The following ADGRL3 variants were observed in gnomAD, a reference collection of about 807,000 sequenced individuals.
The protein encoded by ADGRL3 is calcium-independent alpha-latrotoxin receptor 3.
Under a neutral mutation model 153.5 loss-of-function variants are expected in ADGRL3, and 62 were observed. The observed-to-expected ratio is 0.40, with a 90% CI of 0.33 to 0.50. ADGRL3 has a LOEUF of 0.50. Ranked by LOEUF, ADGRL3 falls within the 20% of genes least tolerant of loss-of-function variation. The pLI, the probability that ADGRL3 is intolerant of heterozygous loss-of-function variation, is 0.47. For synonymous variants in ADGRL3, 710 were observed against 672.5 expected (o/e 1.06, Z -0.86); for missense variants, 1,641 against 1,859.4 (o/e 0.88, Z 2.16).
intron 11 of ADGRL3, among the ~76,000 whole-genome samples, chr4:61,902,007 T>C (rs928821032): frequency 5.9e-5 from 9 of 152,214 alleles, no homozygotes; most frequent in Admixed American, 1.3e-4. Context: ...GCCCTGCCTA[T>C]GTGCACAGAA....
chr4:61,524,170 C>T (rs1188474699), intron 4 of ADGRL3, among the ~76,000 whole-genome samples: 2 of 152,000 alleles, frequency 1.3e-5, no homozygotes, highest in African/African-American at 4.8e-5. Context: ...TAATAAAGAT[C>T]TGAAGTGTAT....
At chr4:61,594,476 C>A (rs1355083945) in intron 5 of ADGRL3, among the ~76,000 whole-genome samples, 1 of 152,122 alleles carries the variant, frequency 6.6e-6, no homozygotes, top group African/African-American at 2.4e-5. Context: ...TTTGGAGGGA[C>A]TTGGGCCCCA....
At chr4:61,916,209 A>G (rs912543832) in intron 13 of ADGRL3, among the ~76,000 whole-genome samples, 7 of 152,164 alleles carry the variant, frequency 4.6e-5, no homozygotes, top group Admixed American at 2.6e-4. Context: ...AAAAGCCATT[A>G]TGTTTGCATC....
intron 1 of ADGRL3, among the ~76,000 whole-genome samples, chr4:61,370,622 C>A (rs1162422167): frequency 6.6e-5 from 10 of 151,808 alleles, no homozygotes; most frequent in Admixed American, 5.9e-4. Flanking sequence ...TGTTCTTTTA[C>A]ATTTGCTGAG....
chr4:61,413,854 C>T (rs1296237954), intron 2 of ADGRL3, among the ~76,000 whole-genome samples: 1 of 152,214 alleles, frequency 6.6e-6, no homozygotes, highest in African/African-American at 2.4e-5. Context: ...TGAGGCATGT[C>T]TGCCTTATTT....
At chr4:61,402,930 G>A (rs915690545) in intron 2 of ADGRL3, among the ~76,000 whole-genome samples, 13 of 151,956 alleles carry the variant, frequency 8.6e-5, no homozygotes, top group Non-Finnish European at 1.8e-4. Flanking sequence ...AAAAACGGTA[G>A]TTTATTTTCC....
At chr4:61,546,889 T>C (rs2098716198) in intron 4 of ADGRL3, among the ~76,000 whole-genome samples, 1 of 152,148 alleles carries the variant, frequency 6.6e-6, no homozygotes, top group South Asian at 2.1e-4. Context: ...TTCCACCATA[T>C]GTCTTTTTTG....
intron 2 of ADGRL3, chr4:61,427,208 G>A (rs1205805021): frequency 2.0e-5 from 3 of 152,402 alleles, no homozygotes; most frequent in African/African-American, 7.2e-5. Flanking sequence ...AACAAAACTT[G>A]CCACATACCC....
intron 1 of ADGRL3, among the ~76,000 whole-genome samples, chr4:61,260,403 C>CTA (rs1490626981): frequency 6.6e-6 from 1 of 152,128 alleles, no homozygotes; most frequent in Non-Finnish European, 1.5e-5. Context: ...TGGATAGAGT[C>CTA]TGTATAGTGT....
At chr4:61,278,299 A>G (rs1313415132) in intron 1 of ADGRL3, among the ~76,000 whole-genome samples, 1 of 152,084 alleles carries the variant, frequency 6.6e-6, no homozygotes, top group Non-Finnish European at 1.5e-5. Context: ...TTTTTTCCTC[A>G]AGGGAATTTT....
chr4:61,755,808 GA>G (rs1209524461), intron 8 of ADGRL3, among the ~76,000 whole-genome samples: 1 of 152,152 alleles, frequency 6.6e-6, no homozygotes, highest in Non-Finnish European at 1.5e-5. Context: ...AAGGTGTAAA[GA>G]AGGGATCCAG....
At chr4:61,531,426 C>G (rs2098613798) in intron 4 of ADGRL3, among the ~76,000 whole-genome samples, 1 of 152,150 alleles carries the variant, frequency 6.6e-6, no homozygotes, top group Non-Finnish European at 1.5e-5. Context: ...AGGTGAGTGC[C>G]TTGCGTCATT....
At chr4:61,224,950 A>G (rs891222623) in intron 1 of ADGRL3, among the ~76,000 whole-genome samples, 31 of 152,176 alleles carry the variant, frequency 2.0e-4, no homozygotes, top group African/African-American at 6.0e-4. Context: ...TGTAATGCCA[A>G]CCATCCCTGT....
intron 17 of ADGRL3, among the ~76,000 whole-genome samples, chr4:61,964,809 A>AAGCATAATC (rs1485788805): frequency 6.6e-6 from 1 of 151,972 alleles, no homozygotes; most frequent in South Asian, 2.1e-4. Context: ...ATGCTTAAGA[A>AAGCATAATC]AGCATAATCA....
chr4:62,036,935 A>G (rs920606660), intron 23 of ADGRL3, among the ~76,000 whole-genome samples: 2 of 152,104 alleles, frequency 1.3e-5, no homozygotes, highest in African/African-American at 4.8e-5. Flanking sequence ...TAAAATTTTT[A>G]CCAAAAGTTG....
intron 6 of ADGRL3, among the ~76,000 whole-genome samples, chr4:61,715,505 AAAAGG>A (rs1580420763): frequency 1.3e-5 from 2 of 152,286 alleles, no homozygotes; most frequent in East Asian, 3.9e-4. Flanking sequence ...TTTCTTGTGT[AAAAGG>A]AAAGTATTAA....
chr4:61,653,346 G>A (rs1476294919), intron 5 of ADGRL3, among the ~76,000 whole-genome samples: 2 of 152,108 alleles, frequency 1.3e-5, no homozygotes, highest in African/African-American at 2.4e-5. Context: ...TGTTATTTAA[G>A]CTTCCCTGTC....
chr4:61,203,399 CT>C (rs1288109159), intron 1 of ADGRL3, among the ~76,000 whole-genome samples: 1 of 152,158 alleles, frequency 6.6e-6, no homozygotes, highest in Non-Finnish European at 1.5e-5. Context: ...GTCTAACCTG[CT>C]GTCGTCTGTT....
chr4:62,002,216 G>A (rs566139863), intron 21 of ADGRL3, among the ~76,000 whole-genome samples: 1 of 149,028 alleles, frequency 6.7e-6, no homozygotes, highest in East Asian at 2.0e-4. Flanking sequence ...ACTCTTAACT[G>A]AAGGTCGGAC....
Sources: gnomAD v4.1 joint callset for allele counts (sites outside exome capture counted in the v4.1 genomes callset) on GRCh38, gnomAD v4.1.1 for gene constraint, MANE v1.5 for transcripts, NCBI Gene and HGNC (gene_info 2026-07-23, HGNC 2026-07-21) for gene names.